Variants in UBXN2A observed in about 807,000 individuals in gnomAD.
The protein encoded by UBXN2A is UBX domain-containing protein 2A.
UBXN2A carries 28 observed loss-of-function variants against 28.4 expected under a neutral mutation model. That is an observed-to-expected ratio of 0.99 (90% CI 0.73 to 1.35). The LOEUF (loss-of-function observed/expected upper bound fraction) is 1.35, where lower values mean the gene tolerates loss of function less well. Ranked by LOEUF, UBXN2A falls within the 40% of genes most tolerant of loss-of-function variation. UBXN2A has a pLI of 0.00. For missense variants in UBXN2A, 253 were observed against 297.9 expected, an observed-to-expected ratio of 0.85 and a Z score of 1.11; for synonymous variants, 97 against 103.6, an observed-to-expected ratio of 0.94 and a Z score of 0.39.
chr2:23,963,200 C>T (rs540610694), intron 2 of UBXN2A, among the ~76,000 whole-genome samples: 6 of 152,158 alleles, frequency 3.9e-5, no homozygotes, highest in African/African-American at 1.4e-4. Flanking sequence ...CACAGCCAAA[C>T]CGTATCAATA....
chr2:23,982,377 A>G (rs575616105), intron 4 of UBXN2A, among the ~76,000 whole-genome samples: 1 of 152,232 alleles, frequency 6.6e-6, no homozygotes, highest in South Asian at 2.1e-4. Context: ...AAAAAAAAAA[A>G]AAAGTTTACA....
chr2:23,969,794 T>C (rs1267486774), intron 2 of UBXN2A, among the ~76,000 whole-genome samples: 1 of 152,158 alleles, frequency 6.6e-6, no homozygotes, highest in Non-Finnish European at 1.5e-5. Context: ...CACTTCATCC[T>C]GGGTGACAGA....
intron 6 of UBXN2A, among the ~76,000 whole-genome samples, chr2:23,991,858 C>T (rs1298766695): frequency 2.0e-5 from 3 of 152,138 alleles, no homozygotes; most frequent in Non-Finnish European, 4.4e-5. Flanking sequence ...GTGGCATGAT[C>T]TTGGCTCATT....
chr2:23,946,876 C>T (rs1706109478), intron 1 of UBXN2A, among the ~76,000 whole-genome samples: 1 of 146,500 alleles, frequency 6.8e-6, no homozygotes, highest in African/African-American at 2.5e-5. Context: ...TCTCAGACTC[C>T]CAATTTATTA....
intron 1 of UBXN2A, among the ~76,000 whole-genome samples, chr2:23,928,375 A>G (rs1705210143): frequency 2.0e-5 from 3 of 152,188 alleles, no homozygotes; most frequent in Admixed American, 6.5e-5. Context: ...CAGGAGTTCG[A>G]GACCAACCTG....
At chr2:23,956,065 T>C (rs1706606708) in intron 1 of UBXN2A, among the ~76,000 whole-genome samples, 1 of 152,262 alleles carries the variant, frequency 6.6e-6, no homozygotes, top group African/African-American at 2.4e-5. Flanking sequence ...GGTTTTGCCA[T>C]GTTGGACAGG....
intron 1 of UBXN2A, among the ~76,000 whole-genome samples, chr2:23,942,504 A>G (rs193206236): frequency 4.7e-5 from 7 of 147,776 alleles, no homozygotes; most frequent in South Asian, 2.2e-4. Flanking sequence ...GCTCACTGCA[A>G]TCTCTTCCGG....
intron 2 of UBXN2A, chr2:23,968,894 C>CT (rs551302005): frequency 0.027 from 3,584 of 130,608 alleles, 66 homozygotes; most frequent in African/African-American, 0.041. Context: ...TTTCTTTTTT[C>CT]TTTTTTTTTT....
chr2:23,987,874 A>AG (rs1319049622), intron 6 of UBXN2A, among the ~76,000 whole-genome samples: 1 of 152,034 alleles, frequency 6.6e-6, no homozygotes, highest in Non-Finnish European at 1.5e-5. Flanking sequence ...CTATAATCCC[A>AG]GCATTTTAGG....
At chr2:23,953,545 C>T (rs373599409) in intron 1 of UBXN2A, among the ~76,000 whole-genome samples, 3 of 152,244 alleles carry the variant, frequency 2.0e-5, no homozygotes, top group African/African-American at 4.8e-5. Context: ...TCAGATATCC[C>T]GTCACTATTC....
chr2:23,936,493 T>C (rs573589821), upstream of UBXN2A, among the ~76,000 whole-genome samples: 13 of 152,092 alleles, frequency 8.5e-5, no homozygotes, highest in East Asian at 2.5e-3. Context: ...GAGGATTGTT[T>C]TGAGTCCAGG....
chr2:23,935,994 G>T (rs1255419049), upstream of UBXN2A, among the ~76,000 whole-genome samples: 1 of 152,210 alleles, frequency 6.6e-6, no homozygotes, highest in Admixed American at 6.5e-5. Context: ...GGAGGTTGCA[G>T]TGAGTCAAGA....
At chr2:23,987,507 G>A (rs973979588) in intron 6 of UBXN2A, among the ~76,000 whole-genome samples, 1 of 152,022 alleles carries the variant, frequency 6.6e-6, no homozygotes, top group Non-Finnish European at 1.5e-5. Flanking sequence ...GACCTGGCAC[G>A]GTGGCTCACG....
chr2:23,970,561 G>A (rs934135876), intron 2 of UBXN2A, among the ~76,000 whole-genome samples: 1 of 152,020 alleles, frequency 6.6e-6, no homozygotes, highest in Non-Finnish European at 1.5e-5. Context: ...GTTTTTCCAC[G>A]GACCTGTCAG....
At chr2:23,969,673 T>A (rs1331880543) in intron 2 of UBXN2A, among the ~76,000 whole-genome samples, 1 of 152,112 alleles carries the variant, frequency 6.6e-6, no homozygotes, top group Non-Finnish European at 1.5e-5. Flanking sequence ...TCCAAAACAT[T>A]TTTAAAATTC....
intron 1 of UBXN2A, among the ~76,000 whole-genome samples, chr2:23,945,045 C>T (rs1407089134): frequency 6.6e-6 from 1 of 151,944 alleles, no homozygotes; most frequent in Non-Finnish European, 1.5e-5. Flanking sequence ...AGTCATGTAC[C>T]ACTTTTTTCT....
Position 23,991,645 on chromosome 2 carries a change from G to T in UBXN2A, c.584+6814G>T, listed in dbSNP as rs201256373. On this transcript the variant is annotated intron_variant, in intron 6 of 6. Coordinates refer to ENST00000309033, the MANE Select transcript of UBXN2A (RefSeq NM_181713.4). ...TCACCACACCTGGCTAATTTTTTTT[G>T]TATTTTTAGTAGAGAAAGGGTTTGC... 7.8e-4 allele frequency among the ~76,000 whole-genome samples: 118 copies of T among 151,776 alleles called. 1 individual carries two copies. The East Asian group carries it at 0.018, about 23-fold the overall frequency.
chr2:23,985,546 C>A (rs1212861422), intron 6 of UBXN2A, among the ~76,000 whole-genome samples: 1 of 151,804 alleles, frequency 6.6e-6, no homozygotes, highest in Non-Finnish European at 1.5e-5. Context: ...GCCACCTCGA[C>A]CAGCCTGGCC....
At chr2:23,969,975 A>G (rs982246334) in intron 2 of UBXN2A, among the ~76,000 whole-genome samples, 1 of 152,166 alleles carries the variant, frequency 6.6e-6, no homozygotes, top group Non-Finnish European at 1.5e-5. Flanking sequence ...TCCCTTTTAA[A>G]GTCATTTTGA....
Sources: gnomAD v4.1 joint callset for allele counts (sites outside exome capture counted in the v4.1 genomes callset) on GRCh38, gnomAD v4.1.1 for gene constraint, MANE v1.5 for transcripts, NCBI Gene and HGNC (gene_info 2026-07-23, HGNC 2026-07-21) for gene names.